The following ARHGAP44 variants were observed in gnomAD, a reference collection of about 807,000 sequenced individuals.
ARHGAP44 encodes the protein Rho GTPase activating protein 44, also known as rho GTPase-activating protein 44.
Under a neutral mutation model 106.8 loss-of-function variants are expected in ARHGAP44, and 43 were observed. The ratio of observed to expected loss-of-function variants is 0.40; its 90% CI spans 0.32 to 0.52. The LOEUF (loss-of-function observed/expected upper bound fraction) is 0.52, where lower values mean the gene tolerates loss of function less well. ARHGAP44 is among the 20% of genes least tolerant of loss of function. The pLI is 0.48. For missense variants in ARHGAP44, 866 were observed against 1,050.5 expected, an observed-to-expected ratio of 0.82 and a Z score of 2.43; for synonymous variants, 439 against 410.3, an observed-to-expected ratio of 1.07 and a Z score of -0.85.
rs184331900 is a variant in ARHGAP44 at position 12,821,852 on chromosome 17, T to C, written c.53+31961T>C. On this transcript the variant is annotated intron_variant, in intron 1 of 20. Transcript: ENST00000379672. ...GTATTATAGATCAACCGACTTCCTA[T>C]AGGGAAAGGTAAGTAGTCTAGTTAT... 8.7e-4 allele frequency among the ~76,000 whole-genome samples: 133 copies of C among 152,278 alleles called. 1 individual carries two copies. Among genetic ancestry groups the C allele is most frequent in the African/African-American group, 3.1e-3 (128 of 41,558 alleles).
chr17:12,834,109 C>T (rs576511715), intron 1 of ARHGAP44, among the ~76,000 whole-genome samples: 1 of 152,114 alleles, frequency 6.6e-6, no homozygotes, highest in Admixed American at 6.5e-5. Context: ...AGTACGGGTC[C>T]AATTAGATGG....
At chr17:12,841,407 TG>T (rs2035387554) in intron 1 of ARHGAP44, among the ~76,000 whole-genome samples, 1 of 152,022 alleles carries the variant, frequency 6.6e-6, no homozygotes, top group African/African-American at 2.4e-5. Context: ...GAGACCAGCC[TG>T]GGCAACATAG....
chr17:12,929,784 A>T (rs2038347373), intron 7 of ARHGAP44, among the ~76,000 whole-genome samples: 1 of 152,222 alleles, frequency 6.6e-6, no homozygotes, highest in Non-Finnish European at 1.5e-5. Context: ...AGGAACAAAA[A>T]CATCACATTT....
intron 4 of ARHGAP44, among the ~76,000 whole-genome samples, chr17:12,914,085 G>A (rs1354076197): frequency 6.6e-6 from 1 of 151,872 alleles, no homozygotes; most frequent in Non-Finnish European, 1.5e-5. Context: ...TCACACACGT[G>A]TGTATATGAA....
chr17:12,868,089 T>A lies in ARHGAP44; in HGVS notation c.54-26851T>A, dbSNP rs149464095. On this transcript the variant is annotated intron_variant, in intron 1 of 20. Coordinates refer to ENST00000379672, the MANE Select transcript of ARHGAP44 (RefSeq NM_014859.6). The stretch of plus-strand genomic sequence containing the variant: ...ATTGCAAAGTACCAGACTGAGAGCG[T>A]TGTGCTACAAAGACTCTTTCCTCCT... 3.9e-4 allele frequency among the ~76,000 whole-genome samples: 60 copies of A among 152,274 alleles called. 1 individual carries two copies. The East Asian group carries it at 0.011, about 29-fold the overall frequency.
intron 6 of ARHGAP44, among the ~76,000 whole-genome samples, chr17:12,922,557 T>A (rs764679479): frequency 6.6e-6 from 1 of 152,226 alleles, no homozygotes; most frequent in Non-Finnish European, 1.5e-5. Context: ...GTCTTTTCTT[T>A]GCATCTACAA....
chr17:12,839,071 C>T lies in ARHGAP44; in HGVS notation c.53+49180C>T, dbSNP rs1339485007. On this transcript the variant is annotated intron_variant, in intron 1 of 20. Coordinates refer to ENST00000379672, the MANE Select transcript of ARHGAP44 (RefSeq NM_014859.6). ...CCTGATTTCATGTCCACCAAACCCT[C>T]TTTGTGTCCTCTGAGAATTTTACTT... Among the ~76,000 whole-genome samples the T allele has an allele frequency of 2.6e-5, 4 of 152,130 alleles. No homozygotes were observed. In the East Asian group the frequency reaches 7.7e-4, roughly 29 times the overall value.
At chr17:12,881,041 A>T (rs533220401) in intron 1 of ARHGAP44, among the ~76,000 whole-genome samples, 2 of 152,176 alleles carry the variant, frequency 1.3e-5, no homozygotes, top group East Asian at 1.9e-4. Context: ...TTCCTCCTTT[A>T]AAAAGTGCTG....
chr17:12,952,714 C>T (rs2039021764), intron 13 of ARHGAP44, 133 bp downstream of exon 13: 1 of 452,324 alleles, frequency 2.2e-6, no homozygotes, highest in Non-Finnish European at 3.9e-6. Flanking sequence ...TATTAACATG[C>T]ATGGTCTCTT....
At chr17:12,886,053 A>G (rs2036872848) in intron 1 of ARHGAP44, among the ~76,000 whole-genome samples, 1 of 152,106 alleles carries the variant, frequency 6.6e-6, no homozygotes, top group African/African-American at 2.4e-5. Context: ...CAGGGTTCAT[A>G]GTTTTGCCTA....
At chr17:12,966,134 T>A (rs1053436420) in intron 16 of ARHGAP44, among the ~76,000 whole-genome samples, 1 of 142,198 alleles carries the variant, frequency 7.0e-6, no homozygotes. Context: ...CCAGCATGGA[T>A]GACATAGTGA....
chr17:12,927,867 T>G (rs2038292478), intron 6 of ARHGAP44, among the ~76,000 whole-genome samples: 1 of 152,204 alleles, frequency 6.6e-6, no homozygotes. Flanking sequence ...CCTGTCTCCA[T>G]TACAAGTAGG....
At chr17:12,860,063 C>A (rs2036024157) in intron 1 of ARHGAP44, among the ~76,000 whole-genome samples, 1 of 152,072 alleles carries the variant, frequency 6.6e-6, no homozygotes. Flanking sequence ...GGGCTGGACT[C>A]CAAGTAGTTG....
chr17:12,859,097 C>T (rs2035993194), intron 1 of ARHGAP44, among the ~76,000 whole-genome samples: 1 of 152,160 alleles, frequency 6.6e-6, no homozygotes, highest in African/African-American at 2.4e-5. Flanking sequence ...ACCATATCAG[C>T]TTTAATCCAA....
chr17:12,874,986 G>T (rs1313887830), intron 1 of ARHGAP44, among the ~76,000 whole-genome samples: 1 of 151,878 alleles, frequency 6.6e-6, no homozygotes, highest in Non-Finnish European at 1.5e-5. Context: ...GGAAAATGGG[G>T]AAGATTTAGA....
At chr17:12,799,925 G>A (rs73288390) in intron 1 of ARHGAP44, among the ~76,000 whole-genome samples, 1,600 of 152,170 alleles carry the variant, frequency 0.011, 26 homozygotes, top group African/African-American at 0.037. Flanking sequence ...CACCATGCCC[G>A]GCCAGAGAAA....
chr17:12,987,025 T>G, intron 20 of ARHGAP44: 1 of 1,080,476 alleles, frequency 9.3e-7, no homozygotes, highest in Non-Finnish European at 1.3e-6. Context: ...GCATAGCTTT[T>G]TTTTTTTTTT....
In ARHGAP44 at chr17:12,990,467, C is replaced by G. The variant is rs1028918301; in HGVS notation, c.*296C>G. On this transcript the variant is annotated 3_prime_UTR_variant, in exon 21 of 21. Transcript: ENST00000379672. Reference sequence around the variant, plus strand: ...CCTCCATGCCAGAAAACACCCACCTCTCCATCCAAGGCTGGTCAGGAACGT... The same window carrying G: ...CCTCCATGCCAGAAAACACCCACCTGTCCATCCAAGGCTGGTCAGGAACGT... 7 of 343,440 alleles carry G rather than the reference C, an allele frequency of 2.0e-5. No individual in the cohort carries two copies. The highest frequency in any genetic ancestry group is 4.1e-5 in the African/African-American group (2 of 48,498). 21.3% of individuals were successfully genotyped at this position (343,440 alleles called of 1,614,324 possible).
chr17:12,940,384 G>C (rs1247204182), intron 7 of ARHGAP44, among the ~76,000 whole-genome samples: 2 of 152,212 alleles, frequency 1.3e-5, no homozygotes, highest in East Asian at 3.9e-4. Context: ...ACTGAAAGCT[G>C]TTCTCCTTGG....
Sources: allele counts gnomAD v4.1 joint callset (sites outside exome capture counted in the v4.1 genomes callset), GRCh38; gene constraint gnomAD v4.1.1; transcripts MANE v1.5; gene names NCBI Gene and HGNC (gene_info 2026-07-23, HGNC 2026-07-21).